Variants in ADAMTSL3 observed in about 807,000 individuals in gnomAD.
ADAMTSL3 encodes the protein ADAMTS like 3.
ADAMTSL3 carries 128 observed loss-of-function variants against 201.7 expected under a neutral mutation model. The observed-to-expected ratio is 0.63, with a 90% CI of 0.55 to 0.73. The LOEUF (loss-of-function observed/expected upper bound fraction) is 0.73, where lower values mean the gene tolerates loss of function less well. Among genes scored for constraint, ADAMTSL3 ranks in the 30% least tolerant of loss-of-function variants. The pLI, the probability that ADAMTSL3 is intolerant of heterozygous loss-of-function variation, is 0.00. For synonymous variants in ADAMTSL3, 738 were observed against 748.4 expected (o/e 0.99, Z 0.23); for missense variants, 1,990 against 2,119.6 (o/e 0.94, Z 1.20).
At chr15:83,971,883 T>C (rs1344076265) in intron 20 of ADAMTSL3, among the ~76,000 whole-genome samples, 1 of 148,494 alleles carries the variant, frequency 6.7e-6, no homozygotes, top group Non-Finnish European at 1.5e-5. Context: ...CATATATATA[T>C]ATATGTCTTT....
At chr15:83,822,604 G>C (rs926627432) in intron 6 of ADAMTSL3, among the ~76,000 whole-genome samples, 4 of 150,602 alleles carry the variant, frequency 2.7e-5, no homozygotes, top group African/African-American at 9.8e-5. Flanking sequence ...ATGGGCGGCC[G>C]GGCAGAGACG....
At chr15:83,729,746 A>G (rs1460727933) in intron 3 of ADAMTSL3, among the ~76,000 whole-genome samples, 1 of 152,042 alleles carries the variant, frequency 6.6e-6, no homozygotes, top group African/African-American at 2.4e-5. Flanking sequence ...TCACTCCAGA[A>G]TTGGTCACTG....
chr15:83,783,637 A>G (rs1317901324), intron 4 of ADAMTSL3, among the ~76,000 whole-genome samples: 4 of 152,174 alleles, frequency 2.6e-5, no homozygotes, highest in Non-Finnish European at 5.9e-5. Flanking sequence ...AGGAAGAAGC[A>G]TTAGCAGAAA....
chr15:83,743,903 T>C (rs2062499639), intron 3 of ADAMTSL3, among the ~76,000 whole-genome samples: 1 of 151,982 alleles, frequency 6.6e-6, no homozygotes, highest in Non-Finnish European at 1.5e-5. Context: ...CCAGGCGGAG[T>C]GCAGTGGTGT....
chr15:83,681,889 T>A (rs1164781984), intron 2 of ADAMTSL3, among the ~76,000 whole-genome samples: 1 of 152,218 alleles, frequency 6.6e-6, no homozygotes, highest in East Asian at 1.9e-4. Context: ...ATTGCTCCTC[T>A]TTTCCTAAGA....
At chr15:83,961,048 G>C (rs1030116400) in intron 19 of ADAMTSL3, among the ~76,000 whole-genome samples, 2 of 152,092 alleles carry the variant, frequency 1.3e-5, no homozygotes, top group African/African-American at 2.4e-5. Flanking sequence ...GGAAAAAGTG[G>C]CTTTAAAGTG....
chr15:83,998,239 G>A (rs549530176), intron 23 of ADAMTSL3, among the ~76,000 whole-genome samples: 59 of 152,214 alleles, frequency 3.9e-4, no homozygotes, highest in African/African-American at 1.4e-3. Context: ...ATCACCTGAG[G>A]TCAGGGGTTG....
chr15:84,029,649 GA>G (rs1172896082), intron 27 of ADAMTSL3, among the ~76,000 whole-genome samples: 2 of 5,510 alleles, frequency 3.6e-4, no homozygotes, highest in African/African-American at 5.6e-3. Context: ...ATTTTCTGAG[GA>G]GCTGAGGAGA....
intron 23 of ADAMTSL3, among the ~76,000 whole-genome samples, chr15:83,999,505 G>A (rs980881864): frequency 5.3e-5 from 8 of 152,118 alleles, no homozygotes; most frequent in South Asian, 2.1e-4. Context: ...ATCTACTAGC[G>A]GGGTATTTTT....
intron 2 of ADAMTSL3, among the ~76,000 whole-genome samples, chr15:83,688,751 T>TACACACACACACAC (rs1555430321): frequency 0.026 from 2,956 of 114,568 alleles, 51 homozygotes; most frequent in South Asian, 0.068. Context: ...CACATGCATA[T>TACACACACACACAC]ATATACACAC....
chr15:83,814,520 C>T (rs556267066), intron 5 of ADAMTSL3, among the ~76,000 whole-genome samples: 1 of 152,088 alleles, frequency 6.6e-6, no homozygotes, highest in Non-Finnish European at 1.5e-5. Flanking sequence ...CGTCGTTTCC[C>T]GAATCTTATC....
chr15:83,899,008 A>G (rs896211080), intron 14 of ADAMTSL3, among the ~76,000 whole-genome samples: 9 of 152,194 alleles, frequency 5.9e-5, no homozygotes, highest in African/African-American at 2.2e-4. Flanking sequence ...AGCCACTTTC[A>G]TTGTGTCCAT....
At chr15:83,827,736 T>G (rs77669184) in intron 6 of ADAMTSL3, among the ~76,000 whole-genome samples, 21,556 of 151,028 alleles carry the variant, frequency 0.14, 1,997 homozygotes, top group Middle Eastern at 0.33. Flanking sequence ...ATATGGCTAG[T>G]CATTTTTATT....
chr15:83,820,068 A>G (rs200295677), intron 6 of ADAMTSL3, 21 bp downstream of exon 6: 18 of 1,592,540 alleles, frequency 1.1e-5, no homozygotes, highest in Non-Finnish European at 1.6e-5. Context: ...TTACCTCCCA[A>G]TCCCCTGCTT....
At chr15:83,843,025 A>G (rs1309767182) in intron 7 of ADAMTSL3, among the ~76,000 whole-genome samples, 1 of 152,212 alleles carries the variant, frequency 6.6e-6, no homozygotes, top group African/African-American at 2.4e-5. Context: ...AGGTACTGAA[A>G]TGCAAGGTAG....
intron 27 of ADAMTSL3, among the ~76,000 whole-genome samples, chr15:84,026,266 G>A (rs2068305039): frequency 1.3e-5 from 2 of 152,002 alleles, no homozygotes. Context: ...AGAAAACATT[G>A]TTTTAAAAAT....
intron 13 of ADAMTSL3, among the ~76,000 whole-genome samples, chr15:83,896,020 G>A (rs1031420699): frequency 1.3e-5 from 2 of 152,136 alleles, no homozygotes; most frequent in African/African-American, 2.4e-5. Flanking sequence ...AGTGCTTAGG[G>A]GGTCAGAAAA....
intron 7 of ADAMTSL3, among the ~76,000 whole-genome samples, chr15:83,844,687 C>A (rs1255152450): frequency 1.3e-5 from 2 of 152,136 alleles, no homozygotes; most frequent in African/African-American, 4.8e-5. Context: ...GACTCTGTGA[C>A]TAGAAATAAA....
intron 2 of ADAMTSL3, among the ~76,000 whole-genome samples, chr15:83,657,892 T>C (rs887881742): frequency 1.3e-5 from 2 of 152,084 alleles, no homozygotes; most frequent in Non-Finnish European, 2.9e-5. Context: ...GGATGCTCTG[T>C]TTTTTCCGTA....
Sources: gnomAD v4.1 joint callset for allele counts (sites outside exome capture counted in the v4.1 genomes callset) on GRCh38, gnomAD v4.1.1 for gene constraint, MANE v1.5 for transcripts, NCBI Gene and HGNC (gene_info 2026-07-23, HGNC 2026-07-21) for gene names.